The following SLC25A48 variants were observed in gnomAD, a reference collection of about 807,000 sequenced individuals.
SLC25A48 encodes CTC-321K16.1.
In SLC25A48, 29 loss-of-function variants were observed where a neutral mutation model predicts 32.2. The ratio of observed to expected loss-of-function variants is 0.90; its 90% CI spans 0.67 to 1.23. The LOEUF is 1.23. SLC25A48 is among the 50% of genes most tolerant of loss of function. SLC25A48 has a pLI of 0.00. For missense variants in SLC25A48, 399 were observed against 422.7 expected, an observed-to-expected ratio of 0.94 and a Z score of 0.49; for synonymous variants, 164 against 172.3, an observed-to-expected ratio of 0.95 and a Z score of 0.38.
chr5:135,600,025 AC>A (rs1751756684), intron 1 of SLC25A48, among the ~76,000 whole-genome samples: 1 of 150,102 alleles, frequency 6.7e-6, no homozygotes, highest in Admixed American at 6.6e-5. Context: ...CCCTTGGCCA[AC>A]CCCCTTGGGG....
intron 3 of SLC25A48, among the ~76,000 whole-genome samples, chr5:135,635,226 C>T (rs1255333852): frequency 1.3e-5 from 2 of 152,174 alleles, no homozygotes; most frequent in African/African-American, 4.8e-5. Flanking sequence ...GTTGGTGGAA[C>T]ATTCTCCTGC....
intron 3 of SLC25A48, among the ~76,000 whole-genome samples, chr5:135,654,617 T>C (rs536285647): frequency 6.6e-6 from 1 of 152,366 alleles, no homozygotes; most frequent in African/African-American, 2.4e-5. Context: ...TGATGGTTGA[T>C]TTTATGTATC....
chr5:135,861,648 G>A (rs1024684196), intron 4 of SLC25A48, among the ~76,000 whole-genome samples: 2 of 152,196 alleles, frequency 1.3e-5, no homozygotes, highest in African/African-American at 4.8e-5. Flanking sequence ...GTTGTTTACA[G>A]TTTTTCCTCT....
intron 5 of SLC25A48, 31 bp from the exon 6 acceptor site, chr5:135,873,989 AG>A: frequency 6.6e-7 from 1 of 1,517,604 alleles, no homozygotes; most frequent in Non-Finnish European, 8.8e-7. Flanking sequence ...CTAAGGAGCT[AG>A]CCCCTGACAC....
At position 135,642,251 on chromosome 5, in the gene SLC25A48, G is replaced by T. The variant is rs1268898196; in HGVS notation, c.-521+7295G>T. Among the ~76,000 whole-genome samples the T allele has an allele frequency of 9.9e-5, 15 of 152,200 alleles. 1 individual carries two copies. The highest frequency in any genetic ancestry group is 7.9e-4 in the Admixed American group (12 of 15,286). ...TGTTTAGAGGGAGGCTTCTCTGATG[G>T]TGCTGATTACTAGGGCCAGATGGCT... On this transcript the variant is annotated intron_variant, in intron 3 of 10. Coordinates refer to the SLC25A48 transcript ENST00000646290.
intron 1 of SLC25A48, among the ~76,000 whole-genome samples, chr5:135,589,885 AG>A (rs1206385654): frequency 2.0e-5 from 3 of 152,094 alleles, no homozygotes; most frequent in Non-Finnish European, 4.4e-5. Context: ...TAGTAGAAAC[AG>A]GGTTTCACCA....
chr5:135,785,042 A>G (rs1007840012), intron 3 of SLC25A48, among the ~76,000 whole-genome samples: 18 of 151,988 alleles, frequency 1.2e-4, no homozygotes, highest in Non-Finnish European at 2.4e-4. Flanking sequence ...ATTACTCCCA[A>G]TATCATAGGA....
chr5:135,880,862 G>C (rs1274076719), intron 7 of SLC25A48, among the ~76,000 whole-genome samples: 1 of 152,136 alleles, frequency 6.6e-6, no homozygotes, highest in Non-Finnish European at 1.5e-5. Flanking sequence ...TGCCATCCAG[G>C]CTGTAGAAGT....
At chr5:135,611,727 A>G (rs188129246) in intron 1 of SLC25A48, among the ~76,000 whole-genome samples, 29 of 152,180 alleles carry the variant, frequency 1.9e-4, no homozygotes, top group African/African-American at 6.5e-4. Flanking sequence ...GACACAAACA[A>G]ACAACCTCAC....
At chr5:135,818,657 A>G (rs1757797628) in intron 4 of SLC25A48, among the ~76,000 whole-genome samples, 1 of 152,224 alleles carries the variant, frequency 6.6e-6, no homozygotes, top group African/African-American at 2.4e-5. Context: ...ACACAAAATG[A>G]TATTCAAAAT....
intron 3 of SLC25A48, among the ~76,000 whole-genome samples, chr5:135,806,984 G>A (rs936245778): frequency 6.7e-6 from 1 of 149,906 alleles, no homozygotes; most frequent in Non-Finnish European, 1.5e-5. Flanking sequence ...TAAAACACAG[G>A]ATTAACACTA....
chr5:135,626,137 G>A (rs913231361), intron 1 of SLC25A48, among the ~76,000 whole-genome samples: 1 of 152,232 alleles, frequency 6.6e-6, no homozygotes, highest in African/African-American at 2.4e-5. Context: ...GACGCCAAGG[G>A]CCTGAGTCTG....
chr5:135,862,155 G>A (rs934985961), intron 4 of SLC25A48, among the ~76,000 whole-genome samples: 2 of 152,274 alleles, frequency 1.3e-5, no homozygotes, highest in African/African-American at 4.8e-5. Flanking sequence ...TGTTGAGCCT[G>A]AGCTAGAAGT....
intron 2 of SLC25A48, among the ~76,000 whole-genome samples, chr5:135,634,547 C>G (rs1055234508): frequency 6.6e-6 from 1 of 152,210 alleles, no homozygotes; most frequent in Non-Finnish European, 1.5e-5. Context: ...CAAGACAAAC[C>G]CAAAGAGAAG....
At chr5:135,619,196 T>C (rs1752264411) in intron 1 of SLC25A48, among the ~76,000 whole-genome samples, 1 of 152,062 alleles carries the variant, frequency 6.6e-6, no homozygotes, top group Non-Finnish European at 1.5e-5. Context: ...CTTTTAAAAT[T>C]CTTTTTCTTT....
rs115578542 is a variant in SLC25A48 at position 135,778,353 on chromosome 5, G to A, written c.-520-34170G>A. ...AGAAGGTGATATTACTCCCAATATCGCAGAAGATGTACACCCCCGATGTGA... is the reference window on the plus strand; with the variant it reads ...AGAAGGTGATATTACTCCCAATATCACAGAAGATGTACACCCCCGATGTGA... On this transcript the variant is annotated intron_variant, in intron 3 of 10. Transcript: ENST00000646290. Among the ~76,000 whole-genome samples the A allele has an allele frequency of 5.2e-3, 779 of 150,930 alleles. 7 individuals are homozygous for A. Among genetic ancestry groups the A allele is most frequent in the African/African-American group, 0.018 (734 of 41,088 alleles).
chr5:135,620,758 G>A (rs527504921), intron 1 of SLC25A48, among the ~76,000 whole-genome samples: 1 of 152,266 alleles, frequency 6.6e-6, no homozygotes, highest in South Asian at 2.1e-4. Context: ...TCCAAGGTGT[G>A]TGAAAATCAG....
chr5:135,683,776 C>T (rs758384134), intron 3 of SLC25A48, among the ~76,000 whole-genome samples: 1 of 152,130 alleles, frequency 6.6e-6, no homozygotes, highest in African/African-American at 2.4e-5. Context: ...TTGAGGTTCC[C>T]GGACTTTGGG....
chr5:135,713,158 C>T (rs4976322), intron 3 of SLC25A48, among the ~76,000 whole-genome samples: 59,869 of 152,124 alleles, frequency 0.39, 13,002 homozygotes, highest in Non-Finnish European at 0.49. Flanking sequence ...TGCAGAATCT[C>T]AGGCCCAGCC....
Sources: gnomAD v4.1 joint callset for allele counts (sites outside exome capture counted in the v4.1 genomes callset) on GRCh38, gnomAD v4.1.1 for gene constraint, MANE v1.5 for transcripts, NCBI Gene and HGNC (gene_info 2026-07-23, HGNC 2026-07-21) for gene names.